Variants in ZC3H18 observed in about 807,000 individuals in gnomAD.
The protein encoded by ZC3H18 is zinc finger CCCH-type containing 18.
In ZC3H18, 8 loss-of-function variants were observed where a neutral mutation model predicts 106.1. The ratio of observed to expected loss-of-function variants is 0.08; its 90% CI spans 0.04 to 0.14. The LOEUF (loss-of-function observed/expected upper bound fraction) is 0.14. Among genes scored for constraint, ZC3H18 ranks in the 10% least tolerant of loss-of-function variants. The probability of loss-of-function intolerance (pLI) is 1.00; values close to 1 mark genes in which losing one functional copy is unlikely to be tolerated. For missense variants in ZC3H18, 1,318 were observed against 1,278.4 expected (o/e 1.03, Z -0.47); for synonymous variants, 635 against 522.1 (o/e 1.22, Z -2.95).
rs1043124566 is a variant in ZC3H18 at position 88,627,554 on chromosome 16, G to A, written c.2109-68G>A. ...TGGACACTGCGTAAAAGTGGACCAT[G>A]GAGCACCCCCTGCTGGCCCCTCCCT... is the stretch of plus-strand genomic sequence containing the variant. On this transcript the variant is annotated intron_variant, in intron 13 of 17. Transcript: ENST00000301011. This position sits in a 1 kb window ranked among gnomAD's most constrained non-coding sequence, Gnocchi z 4.5. 1 of 1,536,290 alleles carries A rather than the reference G, an allele frequency of 6.5e-7. No homozygotes were observed. The highest frequency in any genetic ancestry group is 1.4e-5 in the African/African-American group (1 of 72,820).
chr16:88,589,917 G>T (rs1334742120), intron 3 of ZC3H18, among the ~76,000 whole-genome samples: 1 of 152,250 alleles, frequency 6.6e-6, no homozygotes, highest in Non-Finnish European at 1.5e-5. Flanking sequence ...GCAAACCAGT[G>T]AATTGTACAC....
At chr16:88,605,595 A>C (rs765255307) in intron 6 of ZC3H18, among the ~76,000 whole-genome samples, 1 of 152,250 alleles carries the variant, frequency 6.6e-6, no homozygotes, top group Non-Finnish European at 1.5e-5. Flanking sequence ...CACGATTTCA[A>C]CCTGAATTGT....
rs1905270137 is a variant in ZC3H18 at position 88,611,442 on chromosome 16, GA to G, written c.1382del (p.Asp461AlafsTer49). On this transcript the variant is annotated frameshift_variant, in exon 8 of 18. Transcript: ENST00000301011. LOFTEE classifies it high-confidence loss of function. ...EEWERERAKR[D>X]EKDRQHRDRD... Reference sequence around the variant, plus strand: ...GTGGGAGCGTGAGCGAGCCAAGCGGGACGAGAAGGACCGGCAGCACCGTGAC... The same window carrying G: ...GTGGGAGCGTGAGCGAGCCAAGCGGGCGAGAAGGACCGGCAGCACCGTGAC... The G allele has an allele frequency of 6.6e-7, 1 of 1,514,228 alleles. No individual in the cohort carries two copies. The highest frequency in any genetic ancestry group is 9.0e-7 in the Non-Finnish European group (1 of 1,113,124). The allele number at this position is 1,514,228 out of a possible 1,614,324, so 93.8% of individuals were successfully genotyped here. A position where few individuals can be genotyped will look rare whatever the true frequency, so the allele number is the denominator to read the frequency against.
chr16:88,617,468 T>C (rs987434202), intron 8 of ZC3H18, among the ~76,000 whole-genome samples: 1 of 152,236 alleles, frequency 6.6e-6, no homozygotes, highest in African/African-American at 2.4e-5. Context: ...ACCTAATCTT[T>C]ATAGCTAGGC....
rs556650312 is a variant in ZC3H18 at position 88,574,637 on chromosome 16, G to A, written c.-14-2473G>A. ...CCTATCTCAGCCTCCCAAGTAGCTG[G>A]GACGACAGGTGCCCTACCACACCCA... is the stretch of plus-strand genomic sequence containing the variant. On this transcript the variant is annotated intron_variant, in intron 1 of 17. Coordinates refer to ENST00000301011, the MANE Select transcript of ZC3H18 (RefSeq NM_144604.4). Among the ~76,000 whole-genome samples the A allele has an allele frequency of 1.0e-3, 151 of 150,484 alleles. 3 individuals are homozygous for A. Among genetic ancestry groups the A allele is most frequent in the Middle Eastern group, 3.5e-3 (1 of 284 alleles).
chr16:88,598,491 T>C, intron 4 of ZC3H18, 129 bp from the exon 5 acceptor site: 1 of 1,440,820 alleles, frequency 6.9e-7, no homozygotes, highest in Non-Finnish European at 9.5e-7. Flanking sequence ...GAGGACGGAG[T>C]GAGGCTTGGT....
intron 8 of ZC3H18, among the ~76,000 whole-genome samples, chr16:88,612,393 C>T (rs555916074): frequency 7.0e-4 from 107 of 151,834 alleles, no homozygotes; most frequent in Non-Finnish European, 9.7e-4. Flanking sequence ...TGAAACCTTG[C>T]GGTGGCTCAC....
chr16:88,628,219 G>A (rs749570583), intron 15 of ZC3H18, 100 bp downstream of exon 15: 2 of 1,333,800 alleles, frequency 1.5e-6, no homozygotes, highest in African/African-American at 1.5e-5. Context: ...CCTGAGTGAG[G>A]GCGAGTGGGG....
chr16:88,617,732 C>T (rs1159775700), intron 8 of ZC3H18, among the ~76,000 whole-genome samples: 1 of 152,358 alleles, frequency 6.6e-6, no homozygotes, highest in South Asian at 2.1e-4. Context: ...CCAGCACCTA[C>T]TCACCCCGGG....
At chr16:88,595,594 T>C (rs1904391972) in intron 3 of ZC3H18, among the ~76,000 whole-genome samples, 1 of 151,298 alleles carries the variant, frequency 6.6e-6, no homozygotes, top group East Asian at 1.9e-4. Context: ...ATCACCTGAC[T>C]TCAGGAGTTT....
intron 2 of ZC3H18, among the ~76,000 whole-genome samples, chr16:88,584,049 A>G (rs1915296253): frequency 6.6e-6 from 1 of 152,204 alleles, no homozygotes; most frequent in Non-Finnish European, 1.5e-5. Context: ...TGTTTTAATT[A>G]TCCATTATTT....
chr16:88,583,651 C>T (rs1199001312), intron 2 of ZC3H18, among the ~76,000 whole-genome samples: 1 of 152,200 alleles, frequency 6.6e-6, no homozygotes, highest in Non-Finnish European at 1.5e-5. Flanking sequence ...GTGTGTATTT[C>T]CCCTGTGGTG....
intron 3 of ZC3H18, among the ~76,000 whole-genome samples, chr16:88,594,900 C>T (rs143239241): frequency 2.0e-5 from 3 of 152,200 alleles, no homozygotes; most frequent in Non-Finnish European, 2.9e-5. Context: ...GCCTGTAATC[C>T]CAGCACTTTG....
rs1904593057 is a variant in ZC3H18, at chr16:88,598,839, T to C, written c.930+127T>C. On this transcript the variant is annotated intron_variant, in intron 5 of 17. Coordinates refer to ENST00000301011, the MANE Select transcript of ZC3H18 (RefSeq NM_144604.4). The stretch of plus-strand genomic sequence containing the variant: ...CTCTGAAGTTAGGCGTCTGTTTCTG[T>C]GGTGTCTTTCTTTATTTTTTATTTA... 4 of 773,692 alleles carry C rather than the reference T, an allele frequency of 5.2e-6. No individual in the cohort carries two copies. In the South Asian group the frequency reaches 8.4e-5, roughly 16 times the overall value. 47.9% of individuals were successfully genotyped at this position (773,692 alleles called of 1,614,324 possible). A position where few individuals can be genotyped will look rare whatever the true frequency, so the allele number is the denominator to read the frequency against.
intron 3 of ZC3H18, among the ~76,000 whole-genome samples, chr16:88,593,828 G>A (rs951225299): frequency 1.3e-5 from 2 of 152,218 alleles, no homozygotes; most frequent in African/African-American, 2.4e-5. Context: ...TTGGACTTTT[G>A]TGTGCTCACC....
At chr16:88,630,327 C>T (rs1323860998) in intron 16 of ZC3H18, 158 bp from the exon 17 acceptor site, 3 of 596,554 alleles carry the variant, frequency 5.0e-6, no homozygotes, top group Non-Finnish European at 8.8e-6. Flanking sequence ...TCTCTCTTCT[C>T]CTACTTGGCT....
In ZC3H18 at chr16:88,623,274, C is replaced by G. The variant is rs778547212; in HGVS notation, c.1723C>G (p.Arg575Gly). The G allele has an allele frequency of 1.9e-6, 3 of 1,613,684 alleles. No homozygotes were observed. Among genetic ancestry groups the G allele is most frequent in the Non-Finnish European group, 2.5e-6 (3 of 1,180,004 alleles). ...CTCCGGCTCCTCCCGGTCGCGATCC[C>G]GGTCTTCATCCTACAGCTCCTACTC... is the stretch of plus-strand genomic sequence containing the variant. ...SGSGSSRSRS[R>G]SSSYSSYSSR... Residue 575 changes from arginine to glycine, a missense_variant, in exon 10 of 18, where the codon CGG becomes GGG. Coordinates refer to ENST00000301011, the MANE Select transcript of ZC3H18 (RefSeq NM_144604.4).
chr16:88,583,807 C>A (rs1915279364), intron 2 of ZC3H18, among the ~76,000 whole-genome samples: 1 of 152,156 alleles, frequency 6.6e-6, no homozygotes, highest in Non-Finnish European at 1.5e-5. Flanking sequence ...CCACGGGCAC[C>A]ATCCGTTTTT....
At chr16:88,621,602 C>T (rs1384771627) in intron 8 of ZC3H18, among the ~76,000 whole-genome samples, 1 of 152,014 alleles carries the variant, frequency 6.6e-6, no homozygotes, top group Non-Finnish European at 1.5e-5. Context: ...ATGATCCGCC[C>T]ACCTCAGCCT....
Sources: allele counts gnomAD v4.1 joint callset (sites outside exome capture counted in the v4.1 genomes callset), GRCh38; gene constraint gnomAD v4.1.1; non-coding constraint Gnocchi (gnomAD v3.1); transcripts MANE v1.5; gene names NCBI Gene and HGNC (gene_info 2026-07-23, HGNC 2026-07-21).